The following CALN1 variants were observed in gnomAD, a reference collection of about 807,000 sequenced individuals.
CALN1 encodes the protein calcium-binding protein 8.
In CALN1, 17 loss-of-function variants were observed where a neutral mutation model predicts 30.6. That is an observed-to-expected ratio of 0.56 (90% CI 0.38 to 0.83). The LOEUF is 0.83. Among genes scored for constraint, CALN1 ranks in the 40% least tolerant of loss-of-function variants. CALN1 has a pLI of 0.00. For missense variants in CALN1, 291 were observed against 354.9 expected (o/e 0.82, Z 1.45); for synonymous variants, 156 against 131.4 (o/e 1.19, Z -1.28).
intron 2 of CALN1, among the ~76,000 whole-genome samples, chr7:72,348,740 C>A (rs1016518494): frequency 2.0e-5 from 3 of 152,192 alleles, no homozygotes; most frequent in African/African-American, 7.2e-5. Flanking sequence ...TCTAGAATAA[C>A]AGCTATTTAA....
chr7:71,812,087 C>T (rs1219519110), intron 5 of CALN1, among the ~76,000 whole-genome samples: 2 of 152,176 alleles, frequency 1.3e-5, no homozygotes, highest in Admixed American at 6.5e-5. Context: ...TTCTTTCCCT[C>T]TGCTATGAGA....
intron 4 of CALN1, among the ~76,000 whole-genome samples, chr7:72,033,526 G>A (rs1801589456): frequency 6.6e-6 from 1 of 152,162 alleles, no homozygotes. Context: ...AGTCAGGAAC[G>A]CAGGGTCCAG....
intron 3 of CALN1, among the ~76,000 whole-genome samples, chr7:72,141,005 C>G (rs1585024584): frequency 6.6e-6 from 1 of 152,192 alleles, no homozygotes; most frequent in Admixed American, 6.5e-5. Flanking sequence ...TAGTGTGGAC[C>G]ATGGCAGACT....
intron 5 of CALN1, among the ~76,000 whole-genome samples, chr7:72,002,746 G>C (rs1369680399): frequency 6.6e-6 from 1 of 152,122 alleles, no homozygotes; most frequent in Non-Finnish European, 1.5e-5. Flanking sequence ...AGGAAATCCT[G>C]TCATCTCTGA....
At chr7:72,206,009 C>G (rs473453) in intron 3 of CALN1, among the ~76,000 whole-genome samples, 3,501 of 152,234 alleles carry the variant, frequency 0.023, 126 homozygotes, top group African/African-American at 0.08. Flanking sequence ...CTGTGCTTTA[C>G]TGGTCTCCCT....
chr7:72,361,783 A>G (rs1246156061), intron 2 of CALN1, among the ~76,000 whole-genome samples: 1 of 152,240 alleles, frequency 6.6e-6, no homozygotes, highest in Non-Finnish European at 1.5e-5. Context: ...AAGGTTCAAT[A>G]GAAACTGCTT....
Position 72,247,990 on chromosome 7 carries a change from C to G in CALN1, c.244+30696G>C, listed in dbSNP as rs146460058. 8.8e-3 allele frequency among the ~76,000 whole-genome samples: 1,344 copies of G among 152,316 alleles called. 9 individuals are homozygous for G. The highest frequency in any genetic ancestry group is 0.017 in the Middle Eastern group (5 of 294). ...CCAGCCTGAGCAACACAGTGAGGCT[C>G]TGTCTTTAAACAACAACAAAGAAAA... On this transcript the variant is annotated intron_variant, in intron 3 of 6. Transcript: ENST00000395275.
intron 3 of CALN1, among the ~76,000 whole-genome samples, chr7:72,117,456 T>C (rs1345250530): frequency 1.3e-5 from 2 of 152,162 alleles, no homozygotes; most frequent in Non-Finnish European, 2.9e-5. Context: ...GTCAGTCTTA[T>C]GGTCTGCATT....
intron 3 of CALN1, among the ~76,000 whole-genome samples, chr7:72,248,583 CCT>C (rs1306783676): frequency 6.6e-6 from 1 of 152,096 alleles, no homozygotes; most frequent in African/African-American, 2.4e-5. Context: ...CTCCAGCCTC[CCT>C]CTTATAAGGA....
At chr7:72,408,737 C>T (rs989328936) in intron 1 of CALN1, among the ~76,000 whole-genome samples, 9 of 129,044 alleles carry the variant, frequency 7.0e-5, no homozygotes, top group Non-Finnish European at 9.3e-5. Flanking sequence ...AGTGCAGAGG[C>T]GCAATCATAG....
chr7:72,229,667 C>T (rs1793940339), intron 3 of CALN1, among the ~76,000 whole-genome samples: 2 of 151,896 alleles, frequency 1.3e-5, no homozygotes, highest in Non-Finnish European at 2.9e-5. Context: ...TCATTCTCAG[C>T]CAACTAACAC....
At chr7:72,199,251 G>T (rs1196464440) in intron 3 of CALN1, among the ~76,000 whole-genome samples, 1 of 152,174 alleles carries the variant, frequency 6.6e-6, no homozygotes, top group African/African-American at 2.4e-5. Flanking sequence ...CTCCAGCCTG[G>T]ATGACAGAGC....
upstream of CALN1, among the ~76,000 whole-genome samples, chr7:72,451,354 GA>G (rs1279192294): frequency 7.8e-6 from 1 of 127,478 alleles, no homozygotes; most frequent in Non-Finnish European, 1.6e-5. Context: ...GAGAAGAAGA[GA>G]AAAAGTAGAA....
chr7:71,835,449 G>A (rs1052671058), intron 5 of CALN1, among the ~76,000 whole-genome samples: 7 of 152,146 alleles, frequency 4.6e-5, no homozygotes, highest in Admixed American at 2.6e-4. Flanking sequence ...TGTTTAAACC[G>A]TAGCCTCTCC....
intron 3 of CALN1, among the ~76,000 whole-genome samples, chr7:72,273,420 T>G (rs1347787848): frequency 1.8e-5 from 1 of 57,028 alleles, no homozygotes; most frequent in Non-Finnish European, 3.6e-5. Context: ...AGACTCCATC[T>G]CAAAAAAAAA....
At chr7:71,937,124 C>T (rs1462986259) in intron 5 of CALN1, among the ~76,000 whole-genome samples, 1 of 152,014 alleles carries the variant, frequency 6.6e-6, no homozygotes, top group South Asian at 2.1e-4. Flanking sequence ...ATATATCACA[C>T]GTAGGAAACC....
intron 5 of CALN1, among the ~76,000 whole-genome samples, chr7:71,966,850 T>C (rs1018324218): frequency 1.2e-4 from 19 of 152,158 alleles, no homozygotes; most frequent in Non-Finnish European, 5.9e-5. Context: ...GCTAGATTAA[T>C]TTTACATGCA....
At chr7:72,180,722 C>G (rs1333563976) in intron 3 of CALN1, among the ~76,000 whole-genome samples, 1 of 151,290 alleles carries the variant, frequency 6.6e-6, no homozygotes, top group African/African-American at 2.4e-5. Context: ...ATCCTCCAGC[C>G]TCAGCCTCCC....
At chr7:72,197,202 T>G (rs1039378287) in intron 3 of CALN1, among the ~76,000 whole-genome samples, 1 of 117,222 alleles carries the variant, frequency 8.5e-6, no homozygotes, top group African/African-American at 2.8e-5. Context: ...TTTTTTTTTT[T>G]GAGACAGAGT....
Sources: gnomAD v4.1 joint callset for allele counts (sites outside exome capture counted in the v4.1 genomes callset) on GRCh38, gnomAD v4.1.1 for gene constraint, MANE v1.5 for transcripts, NCBI Gene and HGNC (gene_info 2026-07-23, HGNC 2026-07-21) for gene names.